PTCSC3: variants seen among roughly 807,000 people sequenced by gnomAD.
PTCSC3 encodes the protein papillary thyroid carcinoma susceptibility candidate 3, also known as papillary thyroid carcinoma susceptibility candidate 3 (non-protein coding).
intron 1 of PTCSC3, among the ~76,000 whole-genome samples, chr14:36,168,257 C>T (rs1299686897): frequency 1.3e-5 from 2 of 151,386 alleles, no homozygotes; most frequent in Non-Finnish European, 2.9e-5. Flanking sequence ...TTTCTAGTTC[C>T]ATTTCCATGA....
At chr14:36,137,770 G>A (rs146299628) in intron 3 of PTCSC3, among the ~76,000 whole-genome samples, 36 of 152,312 alleles carry the variant, frequency 2.4e-4, no homozygotes, top group Non-Finnish European at 4.3e-4. Context: ...TGCAAAAGGA[G>A]CAGGTATGGT....
chr14:36,147,538 A>G (rs1012874606), intron 3 of PTCSC3, among the ~76,000 whole-genome samples: 1 of 151,836 alleles, frequency 6.6e-6, no homozygotes, highest in African/African-American at 2.4e-5. Flanking sequence ...ACTTCTCTGT[A>G]TGGTTATTCT....
chr14:36,158,958 A>C (rs1881888641), intron 2 of PTCSC3, among the ~76,000 whole-genome samples: 1 of 152,238 alleles, frequency 6.6e-6, no homozygotes, highest in Non-Finnish European at 1.5e-5. Flanking sequence ...TCAGGGATTC[A>C]ACTTCTTCCT....
At chr14:36,156,704 G>T (rs1399328722) in intron 2 of PTCSC3, among the ~76,000 whole-genome samples, 1 of 152,038 alleles carries the variant, frequency 6.6e-6, no homozygotes, top group African/African-American at 2.4e-5. Flanking sequence ...GAGAATGATG[G>T]TTTCCAGCTT....
rs531849546 is a variant in PTCSC3 at position 36,154,356 on chromosome 14, TATA to T, written n.232-465_232-463del. Among the ~76,000 whole-genome samples, 272 of 152,288 alleles carry T rather than the reference TATA, an allele frequency of 1.8e-3. 3 individuals carry two copies. The highest frequency in any genetic ancestry group is 6.1e-3 in the African/African-American group (254 of 41,536). ...GAAACTTACTTTAAAAAACAGGTTA[TATA>T]ATAATACGTACCCTCCAAAATTATG... On this transcript the variant is annotated intron_variant and non_coding_transcript_variant, in intron 2 of 3. Transcript: ENST00000556013.
chr14:36,144,246 G>C (rs1881500471), intron 3 of PTCSC3, among the ~76,000 whole-genome samples: 1 of 148,394 alleles, frequency 6.7e-6, no homozygotes, highest in Admixed American at 6.7e-5. Flanking sequence ...AAATTACCTT[G>C]GGCAGTATGG....
chr14:36,143,172 C>T (rs1166585407), intron 3 of PTCSC3, among the ~76,000 whole-genome samples: 2 of 148,928 alleles, frequency 1.3e-5, no homozygotes, highest in South Asian at 2.2e-4. Context: ...GGTATATACC[C>T]AGTAATGGGA....
At chr14:36,143,934 G>A (rs936411815) in intron 3 of PTCSC3, among the ~76,000 whole-genome samples, 7 of 151,760 alleles carry the variant, frequency 4.6e-5, no homozygotes, top group African/African-American at 1.7e-4. Context: ...CCCATTGCTT[G>A]TTTTTCTCAG....
downstream of PTCSC3, among the ~76,000 whole-genome samples, chr14:36,135,491 C>T (rs939010064): frequency 1.3e-5 from 2 of 152,110 alleles, no homozygotes; most frequent in African/African-American, 4.8e-5. Flanking sequence ...CCTCTTTTCC[C>T]TTAAAGAAGG....
chr14:36,171,989 G>A (rs1390602528), intron 1 of PTCSC3, among the ~76,000 whole-genome samples: 1 of 152,146 alleles, frequency 6.6e-6, no homozygotes, highest in Non-Finnish European at 1.5e-5. Flanking sequence ...GGCTGGCAAG[G>A]AGAAAAATAA....
At chr14:36,164,501 C>A (rs530517382) in intron 1 of PTCSC3, among the ~76,000 whole-genome samples, 2 of 152,270 alleles carry the variant, frequency 1.3e-5, no homozygotes, top group Admixed American at 1.3e-4. Flanking sequence ...TGTTCAACTG[C>A]ACTTTAAAAA....
At chr14:36,148,161 C>T (rs1436944871) in intron 3 of PTCSC3, among the ~76,000 whole-genome samples, 2 of 151,992 alleles carry the variant, frequency 1.3e-5, no homozygotes, top group Non-Finnish European at 2.9e-5. Context: ...CAGAGGCAGG[C>T]AGGCCTCCTT....
intron 2 of PTCSC3, among the ~76,000 whole-genome samples, chr14:36,156,813 T>C (rs1881838675): frequency 6.6e-6 from 1 of 152,230 alleles, no homozygotes; most frequent in Non-Finnish European, 1.5e-5. Context: ...CAGTCTATCA[T>C]TGATGGGCAT....
At chr14:36,171,624 A>G (rs1882194302) in intron 1 of PTCSC3, among the ~76,000 whole-genome samples, 1 of 152,182 alleles carries the variant, frequency 6.6e-6, no homozygotes, top group South Asian at 2.1e-4. Context: ...CATGTGTGAA[A>G]TGTGTACAGT....
Position 36,154,838 on chromosome 14 carries a change from T to C in PTCSC3, n.232-944A>G, listed in dbSNP as rs538011251. On this transcript the variant is annotated intron_variant and non_coding_transcript_variant, in intron 2 of 3. Transcript: ENST00000556013. Reference sequence around the variant, plus strand: ...AGAGATGTCTGTAAATAATTTTAATTGTTATGTAAAATGTCTAATTTCAAC... The same window carrying C: ...AGAGATGTCTGTAAATAATTTTAATCGTTATGTAAAATGTCTAATTTCAAC... Among the ~76,000 whole-genome samples, 158 of 152,326 alleles carry C rather than the reference T, an allele frequency of 1.0e-3. 1 individual carries two copies. The highest frequency in any genetic ancestry group is 3.4e-3 in the African/African-American group (142 of 41,556).
chr14:36,162,258 GAAAAAAAAAAAAA>G (rs58223160), intron 2 of PTCSC3, among the ~76,000 whole-genome samples: 40 of 106,544 alleles, frequency 3.8e-4, no homozygotes, highest in African/African-American at 1.8e-3. Context: ...CTGGGGTATG[GAAAAAAAAAAAAA>G]AAAAAAAAAA....
At chr14:36,157,294 T>C (rs1881851537) in intron 2 of PTCSC3, among the ~76,000 whole-genome samples, 1 of 152,220 alleles carries the variant, frequency 6.6e-6, no homozygotes, top group Admixed American at 6.5e-5. Context: ...AGATTCTGAA[T>C]ATTAATCCTA....
intron 3 of PTCSC3, among the ~76,000 whole-genome samples, chr14:36,142,298 T>G (rs887643588): frequency 6.6e-6 from 1 of 152,200 alleles, no homozygotes; most frequent in Non-Finnish European, 1.5e-5. Flanking sequence ...TTAACCTGAT[T>G]TTATGGATTA....
chr14:36,147,843 G>A (rs1881618287), intron 3 of PTCSC3, among the ~76,000 whole-genome samples: 1 of 151,840 alleles, frequency 6.6e-6, no homozygotes, highest in Non-Finnish European at 1.5e-5. Context: ...GGTTTTTGGT[G>A]TGGAAGTCCT....
Sources: gnomAD v4.1 joint callset for allele counts (sites outside exome capture counted in the v4.1 genomes callset) on GRCh38, gnomAD v4.1.1 for gene constraint, MANE v1.5 for transcripts, NCBI Gene and HGNC (gene_info 2026-07-23, HGNC 2026-07-21) for gene names.